DLC1: variants seen among roughly 807,000 people sequenced by gnomAD.
DLC1 encodes the protein rho GTPase-activating protein 7.
A neutral mutation model predicts 140.3 loss-of-function variants in DLC1; 54 were observed. That is an observed-to-expected ratio of 0.38 (90% CI 0.31 to 0.48). DLC1 has a LOEUF of 0.48. DLC1 is among the 20% of genes least tolerant of loss of function. The pLI, the probability that DLC1 is intolerant of heterozygous loss-of-function variation, is 0.96. For missense variants in DLC1, 2,536 were observed against 1,907.0 expected, an observed-to-expected ratio of 1.33 and a Z score of -6.14; for synonymous variants, 986 against 728.1, an observed-to-expected ratio of 1.35 and a Z score of -5.70.
intron 3 of DLC1, 81 bp from the exon 4 acceptor site, chr8:13,393,774 ACTT>A (rs1836883528): frequency 5.9e-6 from 9 of 1,513,232 alleles, no homozygotes; most frequent in East Asian, 2.3e-5. Context: ...GAACTTTGTC[ACTT>A]CTTCTTTCTC....
At chr8:13,464,635 T>C (rs1242722686) in intron 2 of DLC1, among the ~76,000 whole-genome samples, 2 of 151,700 alleles carry the variant, frequency 1.3e-5, no homozygotes, top group Non-Finnish European at 2.9e-5. Context: ...CCATTTACCT[T>C]TGTGCTCCTC....
At chr8:13,282,956 A>G (rs1174515485) in intron 5 of DLC1, among the ~76,000 whole-genome samples, 2 of 152,226 alleles carry the variant, frequency 1.3e-5, no homozygotes, top group Non-Finnish European at 2.9e-5. Flanking sequence ...AAATGTCCAT[A>G]AAGAATGACA....
chr8:13,401,720 T>C lies in DLC1; in HGVS notation c.1024-101A>G, dbSNP rs1175167839. ...ATGTGACAAAAAGTACACTGGATAA[T>C]AGGCAGTCTTTAATTAGAAGAGAAG... is the stretch of plus-strand genomic sequence containing the variant. On this transcript the variant is annotated intron_variant, in intron 2 of 17. Transcript: ENST00000276297. The C allele has an allele frequency of 6.3e-6, 9 of 1,422,162 alleles. No individual in the cohort carries two copies. In the African/African-American group the frequency reaches 1.1e-4, roughly 18 times the overall value. 88.1% of individuals were successfully genotyped at this position (1,422,162 alleles called of 1,614,324 possible). A position where few individuals can be genotyped will look rare whatever the true frequency, so the allele number is the denominator to read the frequency against.
intron 5 of DLC1, among the ~76,000 whole-genome samples, chr8:13,184,564 G>A (rs1377611969): frequency 6.6e-6 from 1 of 152,208 alleles, no homozygotes; most frequent in East Asian, 1.9e-4. Flanking sequence ...TTACCCAGTA[G>A]TCATTCAGGA....
chr8:13,512,026 A>G (rs561935190), intron 1 of DLC1, among the ~76,000 whole-genome samples: 6 of 152,058 alleles, frequency 3.9e-5, no homozygotes, highest in Admixed American at 2.6e-4. Flanking sequence ...TCTTTTTTTT[A>G]AATTATAATG....
intron 5 of DLC1, among the ~76,000 whole-genome samples, chr8:13,242,806 C>T (rs150989247): frequency 0.012 from 1,823 of 151,950 alleles, 23 homozygotes; most frequent in Admixed American, 0.018. Flanking sequence ...ATGAGGGTGC[C>T]CAAGGTTATG....
At chr8:13,464,220 A>G (rs2117037223) in intron 2 of DLC1, among the ~76,000 whole-genome samples, 1 of 152,284 alleles carries the variant, frequency 6.6e-6, no homozygotes, top group South Asian at 2.1e-4. Context: ...GTGGTGAAGA[A>G]GGCCAAGTGC....
chr8:13,171,834 G>A lies in DLC1; in HGVS notation c.1349-56177C>T, dbSNP rs1187313559. Among the ~76,000 whole-genome samples, 10 of 152,312 alleles carry A rather than the reference G, an allele frequency of 6.6e-5. No individual in the cohort carries two copies. In the South Asian group the frequency reaches 2.1e-3, roughly 32 times the overall value. On this transcript the variant is annotated intron_variant, in intron 5 of 17. Coordinates refer to ENST00000276297, the MANE Select transcript of DLC1 (RefSeq NM_182643.3). ...ACCCTTGGGGACGTCAGTGTTTCCA[G>A]TGTAGGCAATGCCCCAGGTGAGGGT...
chr8:13,474,899 A>C (rs1201017693), intron 2 of DLC1, among the ~76,000 whole-genome samples: 2 of 152,216 alleles, frequency 1.3e-5, no homozygotes, highest in Non-Finnish European at 2.9e-5. Context: ...GCTCATAGGC[A>C]GAAGGCACTT....
intron 1 of DLC1, among the ~76,000 whole-genome samples, chr8:13,566,683 A>T (rs1321560805): frequency 6.6e-6 from 1 of 152,168 alleles, no homozygotes; most frequent in Non-Finnish European, 1.5e-5. Context: ...CCCGTTGACT[A>T]CTCGACTTTA....
intron 2 of DLC1, among the ~76,000 whole-genome samples, chr8:13,417,070 A>C (rs1258027245): frequency 3.9e-5 from 6 of 152,178 alleles, no homozygotes; most frequent in African/African-American, 1.4e-4. Context: ...TAAACAACAG[A>C]AATGTGTCAA....
At chr8:13,518,253 T>C (rs979087127), upstream of DLC1, among the ~76,000 whole-genome samples, 1 of 151,980 alleles carries the variant, frequency 6.6e-6, no homozygotes, top group Non-Finnish European at 1.5e-5. Context: ...GGATTACAGA[T>C]GCACTCCACC....
At chr8:13,219,385 T>TAATTATACTTATATAG (rs1554473525) in intron 5 of DLC1, among the ~76,000 whole-genome samples, 1 of 124,768 alleles carries the variant, frequency 8.0e-6, no homozygotes, top group Admixed American at 8.6e-5. Context: ...TATAATTATA[T>TAATTATACTTATATAG]TTCATATAAT....
chr8:13,291,134 C>A (rs990508094), intron 5 of DLC1, among the ~76,000 whole-genome samples: 16 of 152,276 alleles, frequency 1.1e-4, no homozygotes, highest in African/African-American at 3.4e-4. Context: ...GTCTTGAACT[C>A]CTGGCCTCAA....
intron 5 of DLC1, among the ~76,000 whole-genome samples, chr8:13,291,076 T>A (rs757190153): frequency 2.4e-4 from 37 of 152,122 alleles, no homozygotes; most frequent in Non-Finnish European, 4.0e-4. Context: ...CCTGGCTAAT[T>A]TTTTGTATTT....
intron 5 of DLC1, 135 bp from the exon 6 acceptor site, chr8:13,115,792 C>T (rs1820505287): frequency 1.3e-6 from 1 of 775,524 alleles, no homozygotes; most frequent in Non-Finnish European, 2.1e-6. Flanking sequence ...AACAGACATA[C>T]ACGCTTAATT....
chr8:13,264,271 C>T (rs749380675), intron 5 of DLC1, among the ~76,000 whole-genome samples: 1 of 151,926 alleles, frequency 6.6e-6, no homozygotes, highest in Non-Finnish European at 1.5e-5. Context: ...CAGGGTTTCA[C>T]CATGTTGCCC....
chr8:13,401,262 CA>C (rs1180561766), intron 3 of DLC1, among the ~76,000 whole-genome samples: 5 of 152,176 alleles, frequency 3.3e-5, no homozygotes, highest in Admixed American at 6.5e-5. Flanking sequence ...TCTTTTGTAT[CA>C]CCCATTTCTC....
chr8:13,511,323 C>CT (rs5889448), intron 1 of DLC1, among the ~76,000 whole-genome samples: 135,747 of 150,126 alleles, frequency 0.9, 61,640 homozygotes, highest in Non-Finnish European at 0.95. Flanking sequence ...TATCTTTCAC[C>CT]TTTTTTTTTG....
Sources: allele counts gnomAD v4.1 joint callset (sites outside exome capture counted in the v4.1 genomes callset), GRCh38; gene constraint gnomAD v4.1.1; transcripts MANE v1.5; gene names NCBI Gene and HGNC (gene_info 2026-07-23, HGNC 2026-07-21).